Variants in FRRS1 observed in about 807,000 individuals in gnomAD.
The protein encoded by FRRS1 is ferric chelate reductase 1, also known as ferric reductase 1.
In FRRS1, 51 loss-of-function variants were observed where a neutral mutation model predicts 70.7. That is an observed-to-expected ratio of 0.72 (90% CI 0.58 to 0.91). The LOEUF (loss-of-function observed/expected upper bound fraction) is 0.91, where lower values mean the gene tolerates loss of function less well. Among genes scored for constraint, FRRS1 ranks in the 40% least tolerant of loss-of-function variants. The pLI, the probability that FRRS1 is intolerant of heterozygous loss-of-function variation, is 0.00. For synonymous variants in FRRS1, 225 were observed against 238.7 expected (o/e 0.94, Z 0.53); for missense variants, 672 against 726.0 (o/e 0.93, Z 0.86).
chr1:99,710,455 G>T (rs948144051), intron 15 of FRRS1, among the ~76,000 whole-genome samples: 1 of 152,292 alleles, frequency 6.6e-6, no homozygotes, highest in Non-Finnish European at 1.5e-5. Context: ...TCCATCCAGT[G>T]TTGACTTTGA....
chr1:99,748,890 A>C lies in FRRS1; in HGVS notation c.-1+7T>G. ...TCTGTGTTCAGCAAACCATATTCTC[A>C]ACATACCTGATAAAAAGAATGTGAT... On this transcript the variant is annotated splice_region_variant and intron_variant, in intron 2 of 16. Coordinates refer to ENST00000646001, the MANE Select transcript of FRRS1 (RefSeq NM_001361041.2). The C allele has an allele frequency of 1.6e-6, 1 of 635,418 alleles. No homozygotes were observed. The highest frequency in any genetic ancestry group is 2.7e-6 in the Non-Finnish European group (1 of 374,952). 39.4% of individuals were successfully genotyped at this position (635,418 alleles called of 1,614,324 possible). A position where few individuals can be genotyped will look rare whatever the true frequency, so the allele number is the denominator to read the frequency against.
Position 99,708,011 on chromosome 1 carries a change from T to C in FRRS1, c.*1017A>G, listed in dbSNP as rs1424511468. On this transcript the variant is annotated 3_prime_UTR_variant, in exon 17 of 17. Transcript: ENST00000646001. Reference sequence around the variant, plus strand: ...TTTTATAGCCAAAACAATTAACACATAAAATGCTATTTCATCTCTGTAGCT... The same window carrying C: ...TTTTATAGCCAAAACAATTAACACACAAAATGCTATTTCATCTCTGTAGCT... 1.3e-5 allele frequency among the ~76,000 whole-genome samples: 2 copies of C among 152,226 alleles called. No individual in the cohort carries two copies. The highest frequency in any genetic ancestry group is 1.5e-5 in the Non-Finnish European group (1 of 68,026).
chr1:99,704,379 A>G lies in FRRS1; in HGVS notation c.*4649T>C, dbSNP rs1009949228. 3.3e-5 allele frequency among the ~76,000 whole-genome samples: 5 copies of G among 152,212 alleles called. No homozygotes were observed. On this transcript the variant is annotated 3_prime_UTR_variant, in exon 17 of 17. Transcript: ENST00000646001. Reference sequence around the variant, plus strand: ...ATGTTGGACAGCAAGTCAGGGAAGGAGCTAGAACTTGATAAACTAGCTTTT... The same window carrying G: ...ATGTTGGACAGCAAGTCAGGGAAGGGGCTAGAACTTGATAAACTAGCTTTT...
chr1:99,731,251 G>T (rs1655367975), intron 7 of FRRS1, among the ~76,000 whole-genome samples: 1 of 152,084 alleles, frequency 6.6e-6, no homozygotes, highest in Non-Finnish European at 1.5e-5. Context: ...ATCTAACAAG[G>T]TTCTTTATGT....
intron 9 of FRRS1, among the ~76,000 whole-genome samples, chr1:99,724,047 A>G (rs968115871): frequency 1.3e-5 from 2 of 152,238 alleles, no homozygotes; most frequent in African/African-American, 4.8e-5. Context: ...GTAGTTATGA[A>G]AAAGAGACTC....
At chr1:99,747,151 A>G (rs1656315519) in intron 4 of FRRS1, 143 bp downstream of exon 4, 13 of 573,352 alleles carry the variant, frequency 2.3e-5, no homozygotes, top group Non-Finnish European at 4.0e-5. Flanking sequence ...ATTTGTTATC[A>G]GTAAGGCTTC....
intron 4 of FRRS1, among the ~76,000 whole-genome samples, chr1:99,746,255 T>C (rs1196331710): frequency 6.6e-6 from 1 of 152,164 alleles, no homozygotes; most frequent in Non-Finnish European, 1.5e-5. Flanking sequence ...CATGTAAGGC[T>C]CTTTACACAC....
chr1:99,760,521 A>C (rs773158848), intron 1 of FRRS1, among the ~76,000 whole-genome samples: 1 of 152,258 alleles, frequency 6.6e-6, no homozygotes, highest in Non-Finnish European at 1.5e-5. Flanking sequence ...GAAGAAAAAA[A>C]TGATTTTTTT....
At position 99,705,516 on chromosome 1, in the gene FRRS1, A is replaced by T. The variant is rs1654014295; in HGVS notation, c.*3512T>A. 6.6e-6 allele frequency among the ~76,000 whole-genome samples: 1 copy of T among 152,186 alleles called. No homozygotes were observed. Among genetic ancestry groups the T allele is most frequent in the Non-Finnish European group, 1.5e-5 (1 of 68,036 alleles). ...AGAATATACAGATAAATAGAATTTC[A>T]GCCAAACACTACATGTGCCCTGAGA... is the stretch of plus-strand genomic sequence containing the variant. On this transcript the variant is annotated 3_prime_UTR_variant, in exon 17 of 17. Transcript: ENST00000646001.
rs1294973899 is a variant in FRRS1, at chr1:99,729,765, A to G, written c.760-17T>C. Reference sequence around the variant, plus strand: ...ATCATCACCCTGAAAAACAATTGCAAATGAGAAAAAAAGCTCAAAGGAATT... The same window carrying G: ...ATCATCACCCTGAAAAACAATTGCAGATGAGAAAAAAAGCTCAAAGGAATT... On this transcript the variant is annotated splice_polypyrimidine_tract_variant and intron_variant, in intron 7 of 16. Transcript: ENST00000646001. 2.0e-6 allele frequency: 3 copies of G among 1,523,820 alleles called. No individual in the cohort carries two copies. Among genetic ancestry groups the G allele is most frequent in the African/African-American group, 2.7e-5 (2 of 73,118 alleles). The allele number at this position is 1,523,820 out of a possible 1,614,324, so 94.4% of individuals were successfully genotyped here.
intron 9 of FRRS1, among the ~76,000 whole-genome samples, chr1:99,723,305 G>A (rs1019065970): frequency 2.3e-4 from 35 of 152,028 alleles, no homozygotes; most frequent in African/African-American, 8.2e-4. Context: ...AGCTTGAGCC[G>A]GGGAGTTGGA....
At chr1:99,734,506 G>C (rs59210874) in intron 7 of FRRS1, among the ~76,000 whole-genome samples, 74,660 of 151,624 alleles carry the variant, frequency 0.49, 22,328 homozygotes, top group African/African-American at 0.85. Flanking sequence ...GCTTATGGGT[G>C]TTCACTGTAC....
chr1:99,760,785 G>A (rs1008549629), intron 1 of FRRS1, among the ~76,000 whole-genome samples: 1 of 152,094 alleles, frequency 6.6e-6, no homozygotes, highest in Non-Finnish European at 1.5e-5. Flanking sequence ...AAGTAGCTGG[G>A]ATTACAGGCA....
intron 6 of FRRS1, among the ~76,000 whole-genome samples, chr1:99,740,062 A>G (rs572270411): frequency 1.2e-4 from 18 of 152,152 alleles, no homozygotes; most frequent in Non-Finnish European, 2.6e-4. Context: ...TTTACAAGAC[A>G]TTTTCTGTTG....
Position 99,734,683 on chromosome 1 carries a change from T to C in FRRS1, c.759+3403A>G, listed in dbSNP as rs78512794. Reference sequence around the variant, plus strand: ...CAGCAGTAACTGATGTGTTTATAAATTGCCTAGGACAGTACCCAACAAGAA... The same window carrying C: ...CAGCAGTAACTGATGTGTTTATAAACTGCCTAGGACAGTACCCAACAAGAA... On this transcript the variant is annotated intron_variant, in intron 7 of 16. Transcript: ENST00000646001. Among the ~76,000 whole-genome samples the C allele has an allele frequency of 5.2e-3, 787 of 152,284 alleles. 3 individuals are homozygous for C. The highest frequency in any genetic ancestry group is 0.017 in the African/African-American group (725 of 41,548).
chr1:99,729,712 G>A lies in FRRS1; in HGVS notation c.796C>T (p.Gln266Ter). 1 of 1,613,210 alleles carries A rather than the reference G, an allele frequency of 6.2e-7. No individual in the cohort carries two copies. The highest frequency in any genetic ancestry group is 8.5e-7 in the Non-Finnish European group (1 of 1,179,290). The change falls in exon 8 of 17, where the codon CAG (glutamine) becomes TAG (stop). Residue 266 changes from glutamine to a stop codon, truncating the protein, a stop_gained. Coordinates refer to ENST00000646001, the MANE Select transcript of FRRS1 (RefSeq NM_001361041.2). LOFTEE classifies it high-confidence loss of function. ...TGGGAAGGCTGGATGTACACAGTCTGATCTTCATGAATACACAGATAAGCA... is the reference window on the plus strand; with the variant it reads ...TGGGAAGGCTGGATGTACACAGTCTAATCTTCATGAATACACAGATAAGCA... Reference protein sequence around the residue: ...DDAYLCIHEDQTVYIQPSHLT... With the variant: ...DDAYLCIHED
intron 9 of FRRS1, among the ~76,000 whole-genome samples, chr1:99,726,164 G>A (rs997673838): frequency 6.6e-6 from 1 of 152,056 alleles, no homozygotes; most frequent in Non-Finnish European, 1.5e-5. Flanking sequence ...GTTTAAAAAC[G>A]TGTGGCACTT....
chr1:99,742,203 C>T lies in FRRS1; in HGVS notation c.404G>A (p.Ser135Asn), dbSNP rs1474126307. ...EIKVYWNAPSSAPNHTQFLVT... is the reference protein window; with the variant it reads ...EIKVYWNAPSNAPNHTQFLVT... Reference sequence around the variant, plus strand: ...CAGAAACTGTGTGTGATTTGGAGCACTGCTTGGAGCATTCCAGTAGACTTT... The same window carrying T: ...CAGAAACTGTGTGTGATTTGGAGCATTGCTTGGAGCATTCCAGTAGACTTT... Residue 135 changes from serine (S) to asparagine (N), a missense_variant, in exon 5 of 17, where the codon AGT becomes AAT. Ser to Asn is a conservative substitution (Grantham distance 46). Transcript: ENST00000646001. 27 of 1,609,332 alleles carry T rather than the reference C, an allele frequency of 1.7e-5. No homozygotes were observed. The highest frequency in any genetic ancestry group is 2.2e-5 in the Non-Finnish European group (26 of 1,175,816).
At chr1:99,741,204 A>G (rs1655945498) in intron 5 of FRRS1, among the ~76,000 whole-genome samples, 2 of 152,318 alleles carry the variant, frequency 1.3e-5, no homozygotes, top group South Asian at 4.1e-4. Context: ...ATGATGTCAG[A>G]CCCAGGGACA....
Sources: gnomAD v4.1 joint callset for allele counts (sites outside exome capture counted in the v4.1 genomes callset) on GRCh38, gnomAD v4.1.1 for gene constraint, MANE v1.5 for transcripts, NCBI Gene and HGNC (gene_info 2026-07-23, HGNC 2026-07-21) for gene names.